The following NLGN1 variants were observed in gnomAD, a reference collection of about 807,000 sequenced individuals.
The protein encoded by NLGN1 is neuroligin-1.
NLGN1 carries 12 observed loss-of-function variants against 65.5 expected under a neutral mutation model. The ratio of observed to expected loss-of-function variants is 0.18; its 90% CI spans 0.12 to 0.30. The LOEUF is 0.30. Among genes scored for constraint, NLGN1 ranks in the 10% least tolerant of loss-of-function variants. NLGN1 has a pLI of 1.00. For missense variants in NLGN1, 750 were observed against 1,007.1 expected, an observed-to-expected ratio of 0.74 and a Z score of 3.46; for synonymous variants, 350 against 359.5, an observed-to-expected ratio of 0.97 and a Z score of 0.30.
At chr3:174,274,229 TA>T (rs1226321824) in intron 4 of NLGN1, among the ~76,000 whole-genome samples, 2 of 151,844 alleles carry the variant, frequency 1.3e-5, no homozygotes, top group Non-Finnish European at 2.9e-5. Context: ...AAACACTTTC[TA>T]AATTTTCATT....
chr3:173,835,308 A>C (rs1448271047), intron 4 of NLGN1, among the ~76,000 whole-genome samples: 1 of 152,160 alleles, frequency 6.6e-6, no homozygotes, highest in Non-Finnish European at 1.5e-5. Context: ...TTGATAGTGC[A>C]TAGACAAGTA....
At chr3:173,810,931 G>C (rs1349835791) in intron 4 of NLGN1, among the ~76,000 whole-genome samples, 1 of 152,098 alleles carries the variant, frequency 6.6e-6, no homozygotes, top group African/African-American at 2.4e-5. Context: ...AAATGCTATT[G>C]GAAGTGATAG....
intron 2 of NLGN1, among the ~76,000 whole-genome samples, chr3:173,503,453 G>A (rs1397483823): frequency 1.3e-5 from 2 of 152,172 alleles, no homozygotes; most frequent in Admixed American, 6.6e-5. Flanking sequence ...GAGATAATGT[G>A]CAAACGCTTA....
At chr3:173,457,963 T>G (rs570183046) in intron 2 of NLGN1, among the ~76,000 whole-genome samples, 1 of 151,938 alleles carries the variant, frequency 6.6e-6, no homozygotes, top group Non-Finnish European at 1.5e-5. Context: ...GAACCAGGAG[T>G]TCTGAGATTT....
chr3:174,236,834 C>G (rs112834628), intron 4 of NLGN1, among the ~76,000 whole-genome samples: 11 of 151,794 alleles, frequency 7.2e-5, no homozygotes, highest in African/African-American at 2.7e-4. Flanking sequence ...GTTTATTTTC[C>G]TAGTTTTTAT....
chr3:173,696,359 A>G (rs1298495957), intron 3 of NLGN1, among the ~76,000 whole-genome samples: 1 of 152,128 alleles, frequency 6.6e-6, no homozygotes, highest in Non-Finnish European at 1.5e-5. Context: ...GCATAGTGGG[A>G]AAATGGCTAT....
At chr3:174,238,843 A>G (rs1742243750) in intron 4 of NLGN1, among the ~76,000 whole-genome samples, 1 of 152,110 alleles carries the variant, frequency 6.6e-6, no homozygotes, top group Non-Finnish European at 1.5e-5. Context: ...TCTCATTTGT[A>G]CAGATAATAA....
At chr3:174,132,595 C>A (rs1720415971) in intron 4 of NLGN1, among the ~76,000 whole-genome samples, 2 of 152,256 alleles carry the variant, frequency 1.3e-5, no homozygotes, top group East Asian at 3.9e-4. Flanking sequence ...TAAACATTTA[C>A]TAAGCACTTC....
chr3:173,697,579 G>T (rs1375877240), intron 3 of NLGN1, among the ~76,000 whole-genome samples: 2 of 151,974 alleles, frequency 1.3e-5, no homozygotes, highest in Non-Finnish European at 2.9e-5. Context: ...CCAGGCTGGA[G>T]TGCAATGGTG....
chr3:173,776,433 G>A (rs532553924), intron 3 of NLGN1, among the ~76,000 whole-genome samples: 2 of 152,102 alleles, frequency 1.3e-5, no homozygotes, highest in South Asian at 4.2e-4. Flanking sequence ...AACATTATCA[G>A]TTACCTGATT....
chr3:173,591,355 G>T (rs1748450484), intron 2 of NLGN1, among the ~76,000 whole-genome samples: 1 of 152,178 alleles, frequency 6.6e-6, no homozygotes, highest in South Asian at 2.1e-4. Flanking sequence ...GAGATTGCTA[G>T]TGTGATATTC....
At chr3:174,152,178 A>G (rs1724494613) in intron 4 of NLGN1, among the ~76,000 whole-genome samples, 1 of 152,172 alleles carries the variant, frequency 6.6e-6, no homozygotes, top group South Asian at 2.1e-4. Flanking sequence ...AAGTAGAGCT[A>G]AACTTTTCAT....
At chr3:173,989,394 C>T (rs1579603637) in intron 4 of NLGN1, among the ~76,000 whole-genome samples, 1 of 152,190 alleles carries the variant, frequency 6.6e-6, no homozygotes, top group African/African-American at 2.4e-5. Context: ...AAAATTTCCT[C>T]TCCCATGGGC....
chr3:173,675,709 G>C (rs1763028314), intron 3 of NLGN1, among the ~76,000 whole-genome samples: 1 of 151,954 alleles, frequency 6.6e-6, no homozygotes. Flanking sequence ...AAAGGAGGTG[G>C]ATGTGGTTAT....
intron 3 of NLGN1, among the ~76,000 whole-genome samples, chr3:173,803,691 G>A (rs1346043350): frequency 6.6e-6 from 1 of 152,054 alleles, no homozygotes; most frequent in African/African-American, 2.4e-5. Flanking sequence ...AGCTAAAAAG[G>A]TGTGTTTAAT....
intron 4 of NLGN1, among the ~76,000 whole-genome samples, chr3:173,843,476 T>C (rs34955242): frequency 0.052 from 7,875 of 152,268 alleles, 304 homozygotes; most frequent in East Asian, 0.14. Context: ...AAAAACTGAA[T>C]GCCTTTAATA....
intron 2 of NLGN1, among the ~76,000 whole-genome samples, chr3:173,545,057 G>T (rs999652863): frequency 6.2e-5 from 8 of 128,640 alleles, no homozygotes; most frequent in East Asian, 3.2e-4. Flanking sequence ...TGTGTGTGTG[G>T]TTGTTTTTTT....
At chr3:173,588,570 T>C (rs1246408813) in intron 2 of NLGN1, among the ~76,000 whole-genome samples, 1 of 152,192 alleles carries the variant, frequency 6.6e-6, no homozygotes, top group African/African-American at 2.4e-5. Context: ...TTGAAATTAT[T>C]AGACATTAAA....
chr3:174,041,943 A>G (rs1732409301), intron 4 of NLGN1, among the ~76,000 whole-genome samples: 1 of 152,078 alleles, frequency 6.6e-6, no homozygotes, highest in Non-Finnish European at 1.5e-5. Context: ...AATTCCAGCT[A>G]TTTGGGAGGC....
Sources: gnomAD v4.1 joint callset for allele counts (sites outside exome capture counted in the v4.1 genomes callset) on GRCh38, gnomAD v4.1.1 for gene constraint, MANE v1.5 for transcripts, NCBI Gene and HGNC (gene_info 2026-07-23, HGNC 2026-07-21) for gene names.